Variants in XKR4 observed in about 807,000 individuals in gnomAD.
XKR4 encodes the protein XK-related protein 4.
Under a neutral mutation model 53.9 loss-of-function variants are expected in XKR4, and 12 were observed. That is an observed-to-expected ratio of 0.22 (90% CI 0.14 to 0.36). XKR4 has a LOEUF of 0.36. Among genes scored for constraint, XKR4 ranks in the 10% least tolerant of loss-of-function variants. The probability of loss-of-function intolerance (pLI) is 1.00; values close to 1 mark genes in which losing one functional copy is unlikely to be tolerated. For synonymous variants in XKR4, 354 were observed against 362.4 expected (o/e 0.98, Z 0.26); for missense variants, 799 against 859.5 (o/e 0.93, Z 0.88).
At chr8:55,113,988 G>T (rs1252307336) in intron 1 of XKR4, among the ~76,000 whole-genome samples, 1 of 152,134 alleles carries the variant, frequency 6.6e-6, no homozygotes, top group Non-Finnish European at 1.5e-5. Flanking sequence ...TGGGCATTTA[G>T]GTTGATTCTA....
rs117858869 is a variant in XKR4 at position 55,232,539 on chromosome 8, G to A, written c.807-125139G>A. Among the ~76,000 whole-genome samples the A allele has an allele frequency of 2.6e-4, 39 of 152,160 alleles. No individual in the cohort carries two copies. In the East Asian group the frequency reaches 2.9e-3, roughly 11 times the overall value. On this transcript the variant is annotated intron_variant, in intron 1 of 2. Coordinates refer to ENST00000327381, the MANE Select transcript of XKR4 (RefSeq NM_052898.2). ...TTTCCTGGACATTTTATACACTTGC[G>A]GCTGCTTTGGAAACATCAAATTTTT...
chr8:55,309,433 G>A (rs540998997), intron 1 of XKR4, among the ~76,000 whole-genome samples: 118 of 152,250 alleles, frequency 7.8e-4, no homozygotes, highest in African/African-American at 2.6e-3. Context: ...AGTGTGAGAG[G>A]GAATAGATGT....
At chr8:55,319,632 C>A (rs1803178201) in intron 1 of XKR4, among the ~76,000 whole-genome samples, 1 of 152,080 alleles carries the variant, frequency 6.6e-6, no homozygotes, top group South Asian at 2.1e-4. Flanking sequence ...TCAGAGGACA[C>A]AACTATGAAA....
chr8:55,521,480 C>A (rs569859812), intron 2 of XKR4, among the ~76,000 whole-genome samples: 1 of 152,060 alleles, frequency 6.6e-6, no homozygotes, highest in Non-Finnish European at 1.5e-5. Context: ...TCAGAAACTC[C>A]TTTGTATACT....
At chr8:55,139,953 A>C in intron 1 of XKR4, 1 of 227,504 alleles carries the variant, frequency 4.4e-6, no homozygotes, top group Non-Finnish European at 8.9e-6. Context: ...ACCAAGTTTT[A>C]TGTAATTAAT....
chr8:55,273,142 C>CTGTGTGTG (rs5891567), intron 1 of XKR4, among the ~76,000 whole-genome samples: 1,850 of 147,542 alleles, frequency 0.013, 43 homozygotes, highest in African/African-American at 0.044. Flanking sequence ...GAAAAGAGGA[C>CTGTGTGTG]TGTGTGTGTG....
In XKR4 at chr8:55,538,460, T is replaced by C. The variant is rs1448931146; in HGVS notation, c.*14233T>C. The C allele has an allele frequency of 2.6e-5, 4 of 152,176 alleles. No individual in the cohort carries two copies. The highest frequency in any genetic ancestry group is 6.5e-5 in the Admixed American group (1 of 15,276). The allele number at this position is 152,176 out of a possible 1,614,324, so 9.4% of individuals were successfully genotyped here. A position where few individuals can be genotyped will look rare whatever the true frequency, so the allele number is the denominator to read the frequency against. On this transcript the variant is annotated 3_prime_UTR_variant, in exon 3 of 3. Coordinates refer to ENST00000327381, the MANE Select transcript of XKR4 (RefSeq NM_052898.2). ...ACAACTCACCAAGCAGAGAATACAATGGTTCTTCATCACTATATAAAACTA... is the reference window on the plus strand; with the variant it reads ...ACAACTCACCAAGCAGAGAATACAACGGTTCTTCATCACTATATAAAACTA...
intron 1 of XKR4, among the ~76,000 whole-genome samples, chr8:55,296,052 GTC>G (rs1819096398): frequency 6.6e-6 from 1 of 152,098 alleles, no homozygotes; most frequent in African/African-American, 2.4e-5. Flanking sequence ...GGGATCAATG[GTC>G]TAAAGCTGGT....
intron 1 of XKR4, among the ~76,000 whole-genome samples, chr8:55,249,283 G>A (rs558548532): frequency 5.3e-5 from 8 of 152,132 alleles, no homozygotes; most frequent in Non-Finnish European, 1.0e-4. Context: ...TGACTCTCTC[G>A]CCCTCTGCTC....
intron 2 of XKR4, among the ~76,000 whole-genome samples, chr8:55,382,645 A>AT (rs1487462053): frequency 3.3e-5 from 5 of 152,186 alleles, no homozygotes; most frequent in Admixed American, 3.3e-4. Context: ...AGGGGGGGAA[A>AT]TTCGTCTGTT....
intron 2 of XKR4, among the ~76,000 whole-genome samples, chr8:55,456,763 A>G (rs1414761470): frequency 6.6e-6 from 1 of 152,208 alleles, no homozygotes; most frequent in Non-Finnish European, 1.5e-5. Context: ...TTGAATAAAC[A>G]TAGCATCAAA....
chr8:55,432,918 T>C (rs888565010), intron 2 of XKR4, among the ~76,000 whole-genome samples: 1 of 152,110 alleles, frequency 6.6e-6, no homozygotes, highest in Non-Finnish European at 1.5e-5. Context: ...CCTTTCTGAG[T>C]AAAGTAGCAG....
intron 2 of XKR4, among the ~76,000 whole-genome samples, chr8:55,443,975 A>C (rs1585575906): frequency 6.6e-6 from 1 of 152,226 alleles, no homozygotes; most frequent in Admixed American, 6.5e-5. Context: ...ATTTGAGACC[A>C]GCTTGGCCAA....
At chr8:55,432,716 G>A (rs1482822433) in intron 2 of XKR4, among the ~76,000 whole-genome samples, 1 of 152,252 alleles carries the variant, frequency 6.6e-6, no homozygotes, top group East Asian at 1.9e-4. Context: ...TTTCTTCTGG[G>A]AGGCCTTCTT....
chr8:55,367,336 A>G (rs1804003934), intron 2 of XKR4, among the ~76,000 whole-genome samples: 1 of 152,182 alleles, frequency 6.6e-6, no homozygotes, highest in South Asian at 2.1e-4. Context: ...CTCTACAATA[A>G]TTTATTGTAA....
chr8:55,302,996 C>T (rs1294618227), intron 1 of XKR4, among the ~76,000 whole-genome samples: 1 of 152,190 alleles, frequency 6.6e-6, no homozygotes, highest in Non-Finnish European at 1.5e-5. Context: ...ATTTCCTTCT[C>T]CTGCCTGATT....
At chr8:55,449,620 C>T (rs1805398294) in intron 2 of XKR4, 1 of 1,089,112 alleles carries the variant, frequency 9.2e-7, no homozygotes, top group South Asian at 1.2e-5. Context: ...CAAAGAAGGC[C>T]TTCTCATCCA....
intron 2 of XKR4, among the ~76,000 whole-genome samples, chr8:55,417,074 C>A (rs913441902): frequency 2.8e-4 from 42 of 152,284 alleles, no homozygotes; most frequent in African/African-American, 6.7e-4. Flanking sequence ...AGCCAGGCAT[C>A]AGAGGTGTTA....
chr8:55,327,469 G>A (rs1214942458), intron 1 of XKR4, among the ~76,000 whole-genome samples: 1 of 152,038 alleles, frequency 6.6e-6, no homozygotes, highest in Non-Finnish European at 1.5e-5. Context: ...CCTGTTTAAG[G>A]CAGTTTCTCT....
Sources: gnomAD v4.1 joint callset for allele counts (sites outside exome capture counted in the v4.1 genomes callset) on GRCh38, gnomAD v4.1.1 for gene constraint, MANE v1.5 for transcripts, NCBI Gene and HGNC (gene_info 2026-07-23, HGNC 2026-07-21) for gene names.